KRAS: variants seen among roughly 807,000 people sequenced by gnomAD.
KRAS encodes the protein KRas proto-oncogene, GTPase, also known as GTPase KRas.
KRAS carries 1 observed loss-of-function variant against 21.0 expected under a neutral mutation model. The observed-to-expected ratio is 0.05, with a 90% CI of 0.02 to 0.23. The LOEUF is 0.23. Ranked by LOEUF, KRAS falls within the 10% of genes least tolerant of loss-of-function variation. The probability of loss-of-function intolerance (pLI) is 1.00; values close to 1 mark genes in which losing one functional copy is unlikely to be tolerated. For missense variants in KRAS, 107 were observed against 221.8 expected (o/e 0.48, Z 3.29); for synonymous variants, 67 against 72.5 (o/e 0.92, Z 0.39).
chr12:25,220,466 C>T (rs11608657), intron 4 of KRAS, among the ~76,000 whole-genome samples: 74,922 of 152,060 alleles, frequency 0.49, 19,410 homozygotes, highest in East Asian at 0.8. Context: ...CAGTGGCTCA[C>T]GCCTGTAATC....
chr12:25,236,904 G>C (rs1025407717), intron 2 of KRAS, among the ~76,000 whole-genome samples: 1 of 152,062 alleles, frequency 6.6e-6, no homozygotes, highest in African/African-American at 2.4e-5. Context: ...ATACACCCGA[G>C]AGAAGTGAAA....
intron 4 of KRAS, among the ~76,000 whole-genome samples, chr12:25,220,597 T>C (rs1951307689): frequency 6.6e-6 from 1 of 151,572 alleles, no homozygotes; most frequent in South Asian, 2.1e-4. Context: ...CGTGGTGGTG[T>C]GCACCCATAG....
chr12:25,241,764 T>C (rs2135801771), intron 2 of KRAS, among the ~76,000 whole-genome samples: 1 of 152,308 alleles, frequency 6.6e-6, no homozygotes, highest in East Asian at 1.9e-4. Context: ...ACTCAATAGA[T>C]GCCAGTAGCA....
chr12:25,207,017 C>T lies in KRAS; in HGVS notation c.*2778G>A, dbSNP rs1242578441. ...CTTGATCGAAGAGTTTCAGTGGAAT[C>T]GTAGCAAAACAATTATAGAGCTGGC... On this transcript the variant is annotated 3_prime_UTR_variant, in exon 5 of 5. Transcript: ENST00000311936. 4.8e-6 allele frequency: 1 copy of T among 207,950 alleles called. No individual in the cohort carries two copies. Among genetic ancestry groups the T allele is most frequent in the Non-Finnish European group, 9.8e-6 (1 of 102,088 alleles). 12.9% of individuals were successfully genotyped at this position (207,950 alleles called of 1,614,324 possible). A position where few individuals can be genotyped will look rare whatever the true frequency, so the allele number is the denominator to read the frequency against.
At chr12:25,210,005 G>T in intron 4 of KRAS, 94 bp from the exon 5 acceptor site, 1 of 903,060 alleles carries the variant, frequency 1.1e-6, no homozygotes, top group Non-Finnish European at 1.7e-6. Context: ...TATTAAGAAA[G>T]GATTCTTTAT....
chr12:25,243,120 G>A (rs962070260), intron 2 of KRAS, among the ~76,000 whole-genome samples: 18 of 152,008 alleles, frequency 1.2e-4, no homozygotes, highest in Non-Finnish European at 1.5e-5. Flanking sequence ...ACCTGCAATG[G>A]CAGTGAAATC....
chr12:25,207,037 GC>G lies in KRAS; in HGVS notation c.*2757del. 4.8e-6 allele frequency: 1 copy of G among 209,904 alleles called. No homozygotes were observed. The highest frequency in any genetic ancestry group is 7.2e-5 in the East Asian group (1 of 13,936). 13.0% of individuals were successfully genotyped at this position (209,904 alleles called of 1,614,324 possible). On this transcript the variant is annotated 3_prime_UTR_variant, in exon 5 of 5. Coordinates refer to ENST00000311936, the MANE Select transcript of KRAS (RefSeq NM_004985.5). ...GGAATCGTAGCAAAACAATTATAGAGCTGGCACAGAGACCAAACCCCTTCTT... is the reference window on the plus strand; with the variant it reads ...GGAATCGTAGCAAAACAATTATAGAGTGGCACAGAGACCAAACCCCTTCTT...
rs1180876679 is a variant in KRAS at position 25,250,843 on chromosome 12, G to A, written c.-104C>T. 1.3e-5 allele frequency: 3 copies of A among 234,010 alleles called. No homozygotes were observed. The highest frequency in any genetic ancestry group is 6.7e-5 in the East Asian group (1 of 14,850). The allele number at this position is 234,010 out of a possible 1,614,324, so 14.5% of individuals were successfully genotyped here. ...TCGCTCCCAGTCCGAAATGGCGGGG[G>A]CCGGGAGTACTGGCCGAGCCGCCGC... On this transcript the variant is annotated 5_prime_UTR_variant, in exon 1 of 5. Transcript: ENST00000311936.
intron 4 of KRAS, among the ~76,000 whole-genome samples, chr12:25,212,581 T>TA (rs965712606): frequency 6.6e-5 from 10 of 151,256 alleles, no homozygotes; most frequent in East Asian, 3.9e-4. Flanking sequence ...AAATAAGTAA[T>TA]AAAAAAAAAT....
chr12:25,243,742 A>C (rs1251438027), intron 2 of KRAS, among the ~76,000 whole-genome samples: 2 of 152,190 alleles, frequency 1.3e-5, no homozygotes, highest in African/African-American at 4.8e-5. Flanking sequence ...TTTACATCTG[A>C]TTTAAATAGT....
chr12:25,232,887 G>A (rs568301979), intron 2 of KRAS, among the ~76,000 whole-genome samples: 1 of 152,248 alleles, frequency 6.6e-6, no homozygotes, highest in Non-Finnish European at 1.5e-5. Context: ...AGCAATTACA[G>A]TATTTATCTA....
chr12:25,227,561 A>C (rs1951409474), intron 2 of KRAS, 149 bp from the exon 3 acceptor site: 2 of 657,312 alleles, frequency 3.0e-6, no homozygotes, highest in Non-Finnish European at 5.3e-6. Context: ...ATGACGGACA[A>C]ATGGCCACTA....
At chr12:25,246,114 A>T (rs957350499) in intron 1 of KRAS, among the ~76,000 whole-genome samples, 1 of 142,688 alleles carries the variant, frequency 7.0e-6, no homozygotes, top group African/African-American at 2.7e-5. Flanking sequence ...GCGCCACTGC[A>T]CTCCAGCCTG....
intron 4 of KRAS, among the ~76,000 whole-genome samples, chr12:25,210,291 C>T (rs1012796850): frequency 1.3e-5 from 2 of 152,042 alleles, no homozygotes; most frequent in African/African-American, 4.8e-5. Flanking sequence ...TGTTTCTGGA[C>T]TTTAGATATA....
At chr12:25,222,199 A>G (rs1344398719) in intron 4 of KRAS, among the ~76,000 whole-genome samples, 1 of 151,492 alleles carries the variant, frequency 6.6e-6, no homozygotes, top group Non-Finnish European at 1.5e-5. Flanking sequence ...ATAAATAAAT[A>G]AATAAGCTGA....
At chr12:25,211,030 A>G (rs1028809168) in intron 4 of KRAS, 3 of 152,210 alleles carry the variant, frequency 2.0e-5, no homozygotes, top group Non-Finnish European at 4.4e-5. Context: ...AAGCCTGTTC[A>G]ACTGAGTAGT....
intron 4 of KRAS, among the ~76,000 whole-genome samples, chr12:25,210,206 AT>A (rs1232026825): frequency 6.6e-6 from 1 of 152,086 alleles, no homozygotes; most frequent in Non-Finnish European, 1.5e-5. Flanking sequence ...ATTTGCTACT[AT>A]TTTTTCCACA....
chr12:25,222,148 C>CA (rs35438028), intron 4 of KRAS, among the ~76,000 whole-genome samples: 10,804 of 129,640 alleles, frequency 0.083, 1,277 homozygotes, highest in African/African-American at 0.28. Flanking sequence ...GACTCCGTCT[C>CA]AAAAAAAAAA....
intron 2 of KRAS, among the ~76,000 whole-genome samples, chr12:25,236,427 T>C (rs1490033458): frequency 6.6e-6 from 1 of 152,040 alleles, no homozygotes; most frequent in Non-Finnish European, 1.5e-5. Context: ...CCTCTGAGCT[T>C]CCAGTTCTGA....
Sources: gnomAD v4.1 joint callset for allele counts (sites outside exome capture counted in the v4.1 genomes callset) on GRCh38, gnomAD v4.1.1 for gene constraint, MANE v1.5 for transcripts, NCBI Gene and HGNC (gene_info 2026-07-23, HGNC 2026-07-21) for gene names.